Variants in PREX1 observed in about 807,000 individuals in gnomAD.
The protein encoded by PREX1 is phosphatidylinositol 3,4,5-trisphosphate-dependent Rac exchanger 1 protein.
PREX1 carries 41 observed loss-of-function variants against 198.3 expected under a neutral mutation model. That is an observed-to-expected ratio of 0.21 (90% CI 0.16 to 0.27). PREX1 has a LOEUF of 0.27. Among genes scored for constraint, PREX1 ranks in the 10% least tolerant of loss-of-function variants. PREX1 has a pLI of 1.00. For synonymous variants in PREX1, 843 were observed against 887.2 expected (o/e 0.95, Z 0.89); for missense variants, 1,620 against 2,200.7 (o/e 0.74, Z 5.28).
the PREX1 span, among the ~76,000 whole-genome samples, chr20:48,853,681 C>T: frequency 6.6e-6 from 1 of 152,200 alleles, no homozygotes; most frequent in Non-Finnish European, 1.5e-5. Flanking sequence ...CACATGCACA[C>T]ATATGAACAC....
intron 5 of PREX1, 64 bp downstream of exon 5, chr20:48,726,226 A>G: frequency 7.0e-7 from 1 of 1,420,042 alleles, no homozygotes; most frequent in Admixed American, 1.9e-5. Context: ...ACTTGAACTA[A>G]CAAATTTTAT....
chr20:48,649,396 T>C lies in PREX1; in HGVS notation c.3209A>G (p.Gln1070Arg), dbSNP rs753033889. 14 of 1,614,076 alleles carry C rather than the reference T, an allele frequency of 8.7e-6. No individual in the cohort carries two copies. Among genetic ancestry groups the C allele is most frequent in the Non-Finnish European group, 1.0e-5 (12 of 1,180,030 alleles). Residue 1070 changes from glutamine (Q) to arginine (R), a missense_variant, in exon 25 of 40, where the codon CAG becomes CGG. Physicochemically the swap from Gln to Arg is conservative, Grantham distance 43. Coordinates refer to ENST00000371941, the MANE Select transcript of PREX1 (RefSeq NM_020820.4). ...EDRGLSFLLK[Q>R]EDREIQDAYL... The stretch of plus-strand genomic sequence containing the variant: ...GGCATCCTGGATCTCACGGTCCTCC[T>C]GCTTGAGTAGGAAGCTGAGGCCCCG...
At chr20:48,626,019 G>T in intron 39 of PREX1, 92 bp from the exon 40 acceptor site, 1 of 1,335,710 alleles carries the variant, frequency 7.5e-7, no homozygotes, top group Non-Finnish European at 1.0e-6. Flanking sequence ...TGTAATTCAT[G>T]CCCAGAAACC....
At chr20:48,796,040 G>A (rs2090361026) in intron 1 of PREX1, among the ~76,000 whole-genome samples, 1 of 152,326 alleles carries the variant, frequency 6.6e-6, no homozygotes, top group South Asian at 2.1e-4. Context: ...ACTGGGGCTG[G>A]AGGCAACCAG....
intron 6 of PREX1, 124 bp from the exon 7 acceptor site, chr20:48,701,010 G>T (rs1393450271): frequency 7.6e-7 from 1 of 1,312,098 alleles, no homozygotes. Context: ...GTCTGTCAAT[G>T]GACAGAAAAT....
At chr20:48,664,760 C>CG (rs754578562) in intron 15 of PREX1, among the ~76,000 whole-genome samples, 53 of 150,346 alleles carry the variant, frequency 3.5e-4, no homozygotes, top group Admixed American at 1.9e-3. Flanking sequence ...ATTCTAATCC[C>CG]GACTCCAGAC....
chr20:48,720,194 A>T (rs1357621699), intron 5 of PREX1, among the ~76,000 whole-genome samples: 3 of 152,016 alleles, frequency 2.0e-5, no homozygotes, highest in African/African-American at 7.3e-5. Context: ...GCCTTCCCTG[A>T]CCACATTATC....
chr20:48,810,690 C>A (rs2090430141), intron 1 of PREX1, among the ~76,000 whole-genome samples: 1 of 151,442 alleles, frequency 6.6e-6, no homozygotes, highest in Admixed American at 6.6e-5. Context: ...AGTTTGAGAC[C>A]AGCCTGGCCA....
At chr20:48,881,970 C>T in the PREX1 span, among the ~76,000 whole-genome samples, 1 of 149,576 alleles carries the variant, frequency 6.7e-6, no homozygotes, top group African/African-American at 2.4e-5. Flanking sequence ...TCTCTATGCA[C>T]TCCCCTATTC....
At position 48,679,655 on chromosome 20, in the gene PREX1, G is replaced by T; in HGVS notation, c.1535C>A (p.Ser512Tyr). 1 of 1,607,216 alleles carries T rather than the reference G, an allele frequency of 6.2e-7. No homozygotes were observed. Among genetic ancestry groups the T allele is most frequent in the African/African-American group, 1.3e-5 (1 of 74,848 alleles). ...KARSELEDIM[S>Y]KGVRLYCRLH... is the part of the protein sequence containing the mutation. ...ACAGGGGCGGAGGGCCCCTACCTTG[G>T]ACATGATGTCCTCCAGCTCACTTCG... Residue 512 changes from serine to tyrosine, a missense_variant, in exon 12 of 40, where the codon TCC becomes TAC. Physicochemically the swap from Ser to Tyr is moderately radical, Grantham distance 144. Coordinates refer to ENST00000371941, the MANE Select transcript of PREX1 (RefSeq NM_020820.4).
chr20:48,833,805 C>T, the PREX1 span, among the ~76,000 whole-genome samples: 1 of 152,084 alleles, frequency 6.6e-6, no homozygotes, highest in Non-Finnish European at 1.5e-5. Flanking sequence ...AAATGCCAGC[C>T]GGGCGCGGTG....
intron 1 of PREX1, among the ~76,000 whole-genome samples, chr20:48,801,099 G>A (rs2090384747): frequency 6.6e-6 from 1 of 152,218 alleles, no homozygotes; most frequent in African/African-American, 2.4e-5. Context: ...AGGCTGCAGT[G>A]AGTATCCCAC....
At chr20:48,739,881 G>A (rs1190370514) in intron 3 of PREX1, among the ~76,000 whole-genome samples, 1 of 152,146 alleles carries the variant, frequency 6.6e-6, no homozygotes, top group Non-Finnish European at 1.5e-5. Context: ...TACAATAATA[G>A]TAACCACCTT....
chr20:48,662,312 T>C (rs1324322197), intron 15 of PREX1, among the ~76,000 whole-genome samples: 4 of 152,206 alleles, frequency 2.6e-5, no homozygotes, highest in Admixed American at 2.6e-4. Context: ...CCAAAATATT[T>C]GTGGAAAACA....
chr20:48,827,515 G>T lies in PREX1; in HGVS notation c.219+127C>A. On this transcript the variant is annotated intron_variant, in intron 1 of 39. Transcript: ENST00000371941. The surrounding 1 kb of genome is among the most constrained non-coding windows in gnomAD (Gnocchi z 4.1). ...GGAGCTCGGATCCCCCCCGCTTTCCGCGCGCCCTGCGGGGCGCCCCCGAGG... is the reference window on the plus strand; with the variant it reads ...GGAGCTCGGATCCCCCCCGCTTTCCTCGCGCCCTGCGGGGCGCCCCCGAGG... 1 of 681,412 alleles carries T rather than the reference G, an allele frequency of 1.5e-6. No individual in the cohort carries two copies. Among genetic ancestry groups the T allele is most frequent in the South Asian group, 7.3e-5 (1 of 13,784 alleles). The allele number at this position is 681,412 out of a possible 1,614,324, so 42.2% of individuals were successfully genotyped here.
intron 1 of PREX1, among the ~76,000 whole-genome samples, chr20:48,794,041 A>AC (rs377464961): frequency 1.3e-5 from 2 of 152,250 alleles, no homozygotes; most frequent in African/African-American, 4.8e-5. Context: ...CCCCTCACTC[A>AC]CTAGAAGCCC....
intron 1 of PREX1, among the ~76,000 whole-genome samples, chr20:48,781,724 C>A (rs1028035527): frequency 2.0e-5 from 3 of 152,182 alleles, no homozygotes; most frequent in African/African-American, 4.8e-5. Context: ...AAGGGACTCC[C>A]CCTTCCTCTT....
At chr20:48,783,176 C>T (rs1192056463) in intron 1 of PREX1, among the ~76,000 whole-genome samples, 1 of 152,056 alleles carries the variant, frequency 6.6e-6, no homozygotes, top group Non-Finnish European at 1.5e-5. Flanking sequence ...AAGAAAATAC[C>T]ATTTGTAAAG....
chr20:48,825,803 T>C (rs752961637), intron 1 of PREX1, among the ~76,000 whole-genome samples: 1 of 151,352 alleles, frequency 6.6e-6, no homozygotes, highest in South Asian at 2.1e-4. Flanking sequence ...GACACCAGGG[T>C]TGTCTACATG....
Sources: gnomAD v4.1 joint callset for allele counts (sites outside exome capture counted in the v4.1 genomes callset) on GRCh38, gnomAD v4.1.1 for gene constraint, Gnocchi (gnomAD v3.1) non-coding constraint, MANE v1.5 for transcripts, NCBI Gene and HGNC (gene_info 2026-07-23, HGNC 2026-07-21) for gene names.